The following SNTG2 variants were observed in gnomAD, a reference collection of about 807,000 sequenced individuals.
SNTG2 encodes syntrophin gamma 2.
A neutral mutation model predicts 70.9 loss-of-function variants in SNTG2; 74 were observed. That is an observed-to-expected ratio of 1.04 (90% CI 0.86 to 1.27). The LOEUF is 1.27. Ranked by LOEUF, SNTG2 falls within the 50% of genes most tolerant of loss-of-function variation. SNTG2 has a pLI of 0.00. For synonymous variants in SNTG2, 278 were observed against 273.8 expected (o/e 1.02, Z -0.15); for missense variants, 717 against 690.7 (o/e 1.04, Z -0.43).
intron 6 of SNTG2, among the ~76,000 whole-genome samples, chr2:1,159,145 TG>T (rs67031103): frequency 0.75 from 111,897 of 148,580 alleles, 43,231 homozygotes; most frequent in Non-Finnish European, 0.85. Flanking sequence ...TGTGCATATG[TG>T]GGGGGGGTGT....
chr2:1,350,292 T>C (rs1044561924), intron 16 of SNTG2, among the ~76,000 whole-genome samples: 4 of 152,202 alleles, frequency 2.6e-5, no homozygotes, highest in Admixed American at 1.3e-4. Context: ...CCACATTAGT[T>C]CCTGCTGGGC....
intron 1 of SNTG2, among the ~76,000 whole-genome samples, chr2:988,712 A>G (rs756300729): frequency 4.0e-5 from 6 of 151,216 alleles, no homozygotes; most frequent in Non-Finnish European, 7.4e-5. Flanking sequence ...TAGGAAGTAT[A>G]TTCGCAATTT....
chr2:1,066,978 T>A (rs770366034), intron 1 of SNTG2, among the ~76,000 whole-genome samples: 1 of 152,214 alleles, frequency 6.6e-6, no homozygotes, highest in Non-Finnish European at 1.5e-5. Context: ...TGTACGTTTG[T>A]TAGCTGTTCC....
intron 8 of SNTG2, among the ~76,000 whole-genome samples, chr2:1,195,962 T>G (rs1209995436): frequency 6.6e-6 from 1 of 152,198 alleles, no homozygotes; most frequent in Non-Finnish European, 1.5e-5. Flanking sequence ...CAGCATACCA[T>G]GAAGAAGTTA....
intron 1 of SNTG2, among the ~76,000 whole-genome samples, chr2:1,032,024 T>A (rs1049633818): frequency 1.1e-4 from 16 of 152,088 alleles, no homozygotes; most frequent in Non-Finnish European, 2.4e-4. Context: ...GTGGGCTGTA[T>A]AGTATGTGAA....
At chr2:1,233,294 G>C (rs1157124842) in intron 9 of SNTG2, among the ~76,000 whole-genome samples, 1 of 152,120 alleles carries the variant, frequency 6.6e-6, no homozygotes, top group Non-Finnish European at 1.5e-5. Context: ...ATGTAGCAGG[G>C]GTCTCGGTTT....
rs946205925 is a variant in SNTG2, at chr2:1,031,196, G to A, written c.73-52322G>A. 4.6e-5 allele frequency among the ~76,000 whole-genome samples: 7 copies of A among 152,172 alleles called. No individual in the cohort carries two copies. The East Asian group carries it at 1.4e-3, about 30-fold the overall frequency. On this transcript the variant is annotated intron_variant, in intron 1 of 16. Coordinates refer to ENST00000308624, the MANE Select transcript of SNTG2 (RefSeq NM_018968.4). Reference sequence around the variant, plus strand: ...TATAAAAGCAGCCACCTGACTTCTGGAGATCCTTGGTTTTGTTTTTGTTGA... The same window carrying A: ...TATAAAAGCAGCCACCTGACTTCTGAAGATCCTTGGTTTTGTTTTTGTTGA...
chr2:1,117,932 G>A (rs896663432), intron 4 of SNTG2, among the ~76,000 whole-genome samples: 5 of 152,144 alleles, frequency 3.3e-5, no homozygotes, highest in Non-Finnish European at 7.4e-5. Context: ...TTGCAGCTGT[G>A]CCCTGTATCC....
intron 4 of SNTG2, among the ~76,000 whole-genome samples, chr2:1,121,781 C>T (rs1274738178): frequency 6.6e-6 from 1 of 152,152 alleles, no homozygotes; most frequent in Non-Finnish European, 1.5e-5. Flanking sequence ...ATCCAATCAC[C>T]TCCACTTGTT....
chr2:1,137,348 TGTACACACAGGCATGC>T (rs1359194839), intron 4 of SNTG2, among the ~76,000 whole-genome samples: 1 of 150,276 alleles, frequency 6.7e-6, no homozygotes, highest in Non-Finnish European at 1.5e-5. Context: ...CACATCCATG[TGTACACACAGGCATGC>T]ACATATCAAC....
At chr2:1,133,692 A>G (rs1258386757) in intron 4 of SNTG2, among the ~76,000 whole-genome samples, 5 of 99,300 alleles carry the variant, frequency 5.0e-5, no homozygotes, top group African/African-American at 2.4e-4. Flanking sequence ...CACCCATTTT[A>G]CCACTTTTTA....
chr2:1,130,071 T>C (rs1195756546), intron 4 of SNTG2, among the ~76,000 whole-genome samples: 1 of 152,184 alleles, frequency 6.6e-6, no homozygotes, highest in Non-Finnish European at 1.5e-5. Flanking sequence ...GCCAAAAAAC[T>C]TAAAAGCCAT....
At chr2:1,039,215 T>C (rs887295567) in intron 1 of SNTG2, among the ~76,000 whole-genome samples, 1 of 152,234 alleles carries the variant, frequency 6.6e-6, no homozygotes, top group Non-Finnish European at 1.5e-5. Context: ...TTTTTAGTAA[T>C]GATAAATAAC....
At chr2:1,222,683 T>C (rs62107207) in intron 9 of SNTG2, among the ~76,000 whole-genome samples, 15 of 4,012 alleles carry the variant, frequency 3.7e-3, no homozygotes, top group South Asian at 0.012. Flanking sequence ...AGGTGCTGGA[T>C]CGCTGTAGAG....
chr2:1,161,838 G>A (rs1297537372), intron 6 of SNTG2, among the ~76,000 whole-genome samples: 4 of 152,178 alleles, frequency 2.6e-5, no homozygotes, highest in South Asian at 2.1e-4. Flanking sequence ...AGTTTGGGAG[G>A]CCGAGGCGGG....
At chr2:1,078,996 A>G (rs773848325) in intron 1 of SNTG2, among the ~76,000 whole-genome samples, 2 of 152,184 alleles carry the variant, frequency 1.3e-5, no homozygotes, top group African/African-American at 2.4e-5. Context: ...TTTGAATGGG[A>G]AAGACTCAAA....
intron 1 of SNTG2, among the ~76,000 whole-genome samples, chr2:1,068,495 A>G (rs969481426): frequency 6.6e-6 from 1 of 152,158 alleles, no homozygotes; most frequent in Non-Finnish European, 1.5e-5. Context: ...ATGGCATGAT[A>G]TTTCCCTACA....
At chr2:960,907 C>T (rs919177050) in intron 1 of SNTG2, among the ~76,000 whole-genome samples, 2 of 152,186 alleles carry the variant, frequency 1.3e-5, no homozygotes, top group African/African-American at 4.8e-5. Context: ...GGACTCCTCA[C>T]CTGCCCTCCT....
intron 2 of SNTG2, among the ~76,000 whole-genome samples, chr2:1,091,020 C>T (rs1366626535): frequency 2.6e-5 from 4 of 152,202 alleles, no homozygotes; most frequent in African/African-American, 9.6e-5. Context: ...CTGACCACCA[C>T]CTGATGGTCG....
Sources: allele counts gnomAD v4.1 joint callset (sites outside exome capture counted in the v4.1 genomes callset), GRCh38; gene constraint gnomAD v4.1.1; transcripts MANE v1.5; gene names NCBI Gene and HGNC (gene_info 2026-07-23, HGNC 2026-07-21).